ALK: variants seen among roughly 807,000 people sequenced by gnomAD.
ALK encodes the protein ALK receptor tyrosine kinase.
ALK carries 74 observed loss-of-function variants against 163.1 expected under a neutral mutation model. The observed-to-expected ratio is 0.45, with a 90% CI of 0.38 to 0.55. ALK has a LOEUF of 0.55. Ranked by LOEUF, ALK falls within the 20% of genes least tolerant of loss-of-function variation. ALK has a pLI of 0.00. For missense variants in ALK, 2,063 were observed against 2,105.3 expected (o/e 0.98, Z 0.39); for synonymous variants, 960 against 843.2 (o/e 1.14, Z -2.40).
At chr2:29,732,776 C>T (rs1184534044) in intron 1 of ALK, among the ~76,000 whole-genome samples, 1 of 152,130 alleles carries the variant, frequency 6.6e-6, no homozygotes, top group Non-Finnish European at 1.5e-5. Context: ...GAAGGCACTG[C>T]TCGTGAATCA....
intron 1 of ALK, among the ~76,000 whole-genome samples, chr2:29,820,816 C>A (rs1220438460): frequency 1.3e-5 from 2 of 152,230 alleles, no homozygotes; most frequent in African/African-American, 4.8e-5. Context: ...ACCAACCCAG[C>A]ACTTGCCAAA....
rs1300882155 is a variant in ALK, at chr2:29,768,706, T to C, written c.668-51009A>G. Among the ~76,000 whole-genome samples the C allele has an allele frequency of 3.8e-5, 4 of 104,974 alleles. No individual in the cohort carries two copies. The East Asian group carries it at 1.1e-3, about 29-fold the overall frequency. The allele number at this position is 104,974 out of a possible 152,430, so 68.9% of individuals were successfully genotyped here. A position where few individuals can be genotyped will look rare whatever the true frequency, so the allele number is the denominator to read the frequency against. ...ACAAAATTATAATTTTATTAAATTA[T>C]ATATGTCTGTGTGTGTGTGTGTGTG... On this transcript the variant is annotated intron_variant, in intron 1 of 28. Coordinates refer to ENST00000389048, the MANE Select transcript of ALK (RefSeq NM_004304.5).
At chr2:29,209,943 A>G (rs1669420491) in intron 24 of ALK, 65 bp from the exon 25 acceptor site, 3 of 1,313,836 alleles carry the variant, frequency 2.3e-6, no homozygotes, top group African/African-American at 1.4e-5. Flanking sequence ...AACGGCCATC[A>G]CTAGGATTTT....
intron 11 of ALK, among the ~76,000 whole-genome samples, chr2:29,267,401 T>G (rs986429849): frequency 6.6e-5 from 10 of 152,236 alleles, no homozygotes; most frequent in African/African-American, 2.4e-4. Context: ...ATGTGTGTTG[T>G]TATAGCCACT....
At chr2:29,900,764 CT>C (rs1212107948) in intron 1 of ALK, among the ~76,000 whole-genome samples, 1 of 152,202 alleles carries the variant, frequency 6.6e-6, no homozygotes, top group African/African-American at 2.4e-5. Flanking sequence ...TCTCCTCATC[CT>C]TTAACCCCTC....
intron 3 of ALK, among the ~76,000 whole-genome samples, chr2:29,603,780 C>T (rs1675443505): frequency 6.6e-6 from 1 of 152,140 alleles, no homozygotes; most frequent in African/African-American, 2.4e-5. Flanking sequence ...GGATAGAAAC[C>T]ATCCCTCAGT....
chr2:29,740,770 G>A (rs886359607), intron 1 of ALK, among the ~76,000 whole-genome samples: 1 of 152,224 alleles, frequency 6.6e-6, no homozygotes, highest in Non-Finnish European at 1.5e-5. Flanking sequence ...GGGAGGCCAA[G>A]GTGGGCGGAT....
chr2:29,220,368 T>C (rs1274583135), intron 23 of ALK, among the ~76,000 whole-genome samples: 2 of 152,212 alleles, frequency 1.3e-5, no homozygotes, highest in Non-Finnish European at 2.9e-5. Flanking sequence ...TCCCCAACCA[T>C]GCTTCCTGTA....
At chr2:29,642,602 C>A (rs1456821797) in intron 3 of ALK, among the ~76,000 whole-genome samples, 1 of 151,736 alleles carries the variant, frequency 6.6e-6, no homozygotes, top group Non-Finnish European at 1.5e-5. Context: ...CATTAAATAT[C>A]CTCCTCTCTT....
rs528730068 is a variant in ALK, at chr2:29,319,673, C to T, written c.1546+1078G>A. On this transcript the variant is annotated intron_variant, in intron 7 of 28. Coordinates refer to ENST00000389048, the MANE Select transcript of ALK (RefSeq NM_004304.5). ...GTCTGCTCTAGGAGGCAGTGGGAGC[C>T]CTGTCACTGGCGGTATTCCGCAGGG... 2.0e-5 allele frequency among the ~76,000 whole-genome samples: 3 copies of T among 152,320 alleles called. No individual in the cohort carries two copies. In the South Asian group the frequency reaches 6.2e-4, roughly 32 times the overall value.
rs533026398 is a variant in ALK, at chr2:29,531,621, G to A, written c.1154+294C>T. Among the ~76,000 whole-genome samples, 12 of 151,976 alleles carry A rather than the reference G, an allele frequency of 7.9e-5. No homozygotes were observed. The East Asian group carries it at 2.3e-3, about 29-fold the overall frequency. On this transcript the variant is annotated intron_variant, in intron 4 of 28. Transcript: ENST00000389048. ...ACATTTCTTTGACTGTTTTCTTCTT[G>A]GCTGTATCTGAACTTTGGGAAATGA...
rs1055587664 is a variant in ALK at position 29,281,759 on chromosome 2, T to C, written c.1818-6263A>G. Among the ~76,000 whole-genome samples the C allele has an allele frequency of 2.0e-5, 3 of 152,130 alleles. No homozygotes were observed. The East Asian group carries it at 5.8e-4, about 29-fold the overall frequency. On this transcript the variant is annotated intron_variant, in intron 9 of 28. Coordinates refer to ENST00000389048, the MANE Select transcript of ALK (RefSeq NM_004304.5). ...GTGGCCATCTGGGCAGTGGGCCAAG[T>C]CTGGAAGGGCAGCTTCAGAATTGGG...
chr2:29,381,665 G>A (rs1668899985), intron 5 of ALK, among the ~76,000 whole-genome samples: 2 of 152,146 alleles, frequency 1.3e-5, no homozygotes. Flanking sequence ...CAGTAATGTT[G>A]CCAGCCCTAT....
At chr2:29,757,936 C>G (rs1680584185) in intron 1 of ALK, among the ~76,000 whole-genome samples, 1 of 151,654 alleles carries the variant, frequency 6.6e-6, no homozygotes, top group Non-Finnish European at 1.5e-5. Context: ...TCACTCAGGC[C>G]TTCATTCTTT....
At chr2:29,633,312 G>A (rs1482230564) in intron 3 of ALK, among the ~76,000 whole-genome samples, 1 of 152,100 alleles carries the variant, frequency 6.6e-6, no homozygotes, top group East Asian at 1.9e-4. Flanking sequence ...AGGTGTGGGA[G>A]AGATTTACCC....
At chr2:29,214,207 G>C in intron 23 of ALK, 126 bp from the exon 24 acceptor site, 1 of 785,114 alleles carries the variant, frequency 1.3e-6, no homozygotes, top group South Asian at 1.5e-5. Flanking sequence ...CAGGGGCCTC[G>C]GCCCTGGCTG....
chr2:29,530,338 G>T (rs1673089781), intron 4 of ALK, among the ~76,000 whole-genome samples: 1 of 152,140 alleles, frequency 6.6e-6, no homozygotes, highest in Non-Finnish European at 1.5e-5. Context: ...GCTACACAGG[G>T]AAACAGGCCA....
intron 1 of ALK, among the ~76,000 whole-genome samples, chr2:29,832,409 T>A (rs1665443814): frequency 6.6e-6 from 1 of 151,742 alleles, no homozygotes; most frequent in South Asian, 2.1e-4. Flanking sequence ...GGTAGATCTT[T>A]CAAAGGGGCA....
intron 3 of ALK, among the ~76,000 whole-genome samples, chr2:29,637,186 G>A (rs1405341456): frequency 2.0e-5 from 3 of 151,896 alleles, no homozygotes; most frequent in African/African-American, 4.8e-5. Flanking sequence ...AAACCAACAT[G>A]TTCCTCCATG....
Sources: allele counts gnomAD v4.1 joint callset (sites outside exome capture counted in the v4.1 genomes callset), GRCh38; gene constraint gnomAD v4.1.1; transcripts MANE v1.5; gene names NCBI Gene and HGNC (gene_info 2026-07-23, HGNC 2026-07-21).